Variants in NTNG1 observed in about 807,000 individuals in gnomAD.
NTNG1 encodes netrin G1, also known as netrin-G1.
Under a neutral mutation model 54.0 loss-of-function variants are expected in NTNG1, and 16 were observed. The observed-to-expected ratio is 0.30, with a 90% confidence interval of 0.20 to 0.45. The LOEUF (loss-of-function observed/expected upper bound fraction) is 0.45, where lower values mean the gene tolerates loss of function less well. Among genes scored for constraint, NTNG1 ranks in the 20% least tolerant of loss-of-function variants. The pLI is 1.00. For synonymous variants in NTNG1, 255 were observed against 263.1 expected (o/e 0.97, Z 0.30); for missense variants, 530 against 678.7 (o/e 0.78, Z 2.43).
At chr1:107,242,120 A>G (rs930341596) in intron 2 of NTNG1, among the ~76,000 whole-genome samples, 2 of 152,046 alleles carry the variant, frequency 1.3e-5, no homozygotes, top group African/African-American at 2.4e-5. Flanking sequence ...ACAAAAATAC[A>G]AGCATTATCT....
At chr1:107,354,795 T>A (rs1669842774) in intron 3 of NTNG1, among the ~76,000 whole-genome samples, 2 of 152,126 alleles carry the variant, frequency 1.3e-5, no homozygotes, top group South Asian at 4.1e-4. Flanking sequence ...CACTGGACAC[T>A]CTCAGAGAGC....
At chr1:107,308,206 A>G (rs185921753) in intron 2 of NTNG1, among the ~76,000 whole-genome samples, 4 of 152,196 alleles carry the variant, frequency 2.6e-5, no homozygotes, top group Admixed American at 2.6e-4. Flanking sequence ...TTTTTGGCAT[A>G]TTCATCATGA....
At chr1:107,256,911 T>A (rs1369579399) in intron 2 of NTNG1, among the ~76,000 whole-genome samples, 3 of 152,192 alleles carry the variant, frequency 2.0e-5, no homozygotes, top group African/African-American at 7.2e-5. Flanking sequence ...ATGTCCAAAT[T>A]GTTATTTTTT....
intron 5 of NTNG1, among the ~76,000 whole-genome samples, chr1:107,430,256 C>T (rs1230981777): frequency 2.6e-5 from 4 of 151,994 alleles, no homozygotes; most frequent in Non-Finnish European, 5.9e-5. Flanking sequence ...TATGAAACCC[C>T]GACTGAGTTG....
At chr1:107,416,071 T>A (rs1478283361) in intron 5 of NTNG1, among the ~76,000 whole-genome samples, 4 of 152,178 alleles carry the variant, frequency 2.6e-5, no homozygotes, top group Admixed American at 1.3e-4. Context: ...AGTCTCGTGA[T>A]GGCCAAATGT....
At chr1:107,167,379 TTTATTA>T (rs1458864665) in intron 2 of NTNG1, among the ~76,000 whole-genome samples, 2 of 152,078 alleles carry the variant, frequency 1.3e-5, no homozygotes, top group East Asian at 3.9e-4. Flanking sequence ...TTCTATATGA[TTTATTA>T]TTATCAGTGT....
At chr1:107,217,282 G>C (rs1660033054) in intron 2 of NTNG1, among the ~76,000 whole-genome samples, 1 of 152,022 alleles carries the variant, frequency 6.6e-6, no homozygotes, top group African/African-American at 2.4e-5. Flanking sequence ...TGTGGTATTG[G>C]TTGTAATATC....
At chr1:107,203,599 T>C (rs369173020) in intron 2 of NTNG1, among the ~76,000 whole-genome samples, 1 of 151,200 alleles carries the variant, frequency 6.6e-6, no homozygotes, top group African/African-American at 2.4e-5. Context: ...TGTATATATA[T>C]ACACATATAT....
chr1:107,179,276 A>G (rs1290143230), intron 2 of NTNG1, among the ~76,000 whole-genome samples: 1 of 152,198 alleles, frequency 6.6e-6, no homozygotes, highest in African/African-American at 2.4e-5. Context: ...ACCCAATCCA[A>G]AAGACTTAAA....
intron 2 of NTNG1, among the ~76,000 whole-genome samples, chr1:107,196,142 T>C (rs1658303514): frequency 6.6e-6 from 1 of 151,806 alleles, no homozygotes; most frequent in Non-Finnish European, 1.5e-5. Flanking sequence ...AAAGATTAAG[T>C]AAAATAATCC....
At chr1:107,330,426 A>G (rs1056711004) in intron 3 of NTNG1, among the ~76,000 whole-genome samples, 2 of 152,152 alleles carry the variant, frequency 1.3e-5, no homozygotes, top group Admixed American at 6.6e-5. Flanking sequence ...CCAAGCCCTG[A>G]TGCTCAAGTG....
At chr1:107,404,081 T>TTATATA (rs5776886) in intron 4 of NTNG1, among the ~76,000 whole-genome samples, 3 of 145,390 alleles carry the variant, frequency 2.1e-5, no homozygotes, top group Admixed American at 6.9e-5. Context: ...CCTTCTTAAT[T>TTATATA]TATATATATA....
In NTNG1 at chr1:107,436,728, G is replaced by A. The variant is rs1193732491; in HGVS notation, c.1319G>A (p.Cys440Tyr). 1 of 1,613,324 alleles carries A rather than the reference G, an allele frequency of 6.2e-7. No homozygotes were observed. Among genetic ancestry groups the A allele is most frequent in the Admixed American group, 1.7e-5 (1 of 59,960 alleles). The change falls in exon 7 of 8, where the codon TGT (cysteine) becomes TAT (tyrosine). Residue 440 changes from cysteine to tyrosine, a missense_variant. Physicochemically the swap from Cys to Tyr is radical, Grantham distance 194 (BLOSUM62 -2). Around this residue, in one of 2 missense-constraint regions of NTNG1, gnomAD observed 212 missense variants for 213.6 expected, o/e 0.99. Coordinates refer to ENST00000370068, the MANE Select transcript of NTNG1 (RefSeq NM_001113226.3). ...DRCNGSGFCE[C>Y]KTGTTGPKCD... ...TGTAATGGCTCAGGATTTTGTGAGT[G>A]TAAGACTGGAACAACAGGGCCTAAG...
At chr1:107,227,157 G>A (rs1209496181) in intron 2 of NTNG1, among the ~76,000 whole-genome samples, 2 of 152,148 alleles carry the variant, frequency 1.3e-5, no homozygotes, top group African/African-American at 2.4e-5. Context: ...TTTAATCTCT[G>A]TTTGCCTACG....
At chr1:107,464,616 C>T (rs1292465573) in intron 7 of NTNG1, among the ~76,000 whole-genome samples, 1 of 152,078 alleles carries the variant, frequency 6.6e-6, no homozygotes, top group African/African-American at 2.4e-5. Flanking sequence ...ATGAAGTGAT[C>T]CAAGTGAGGT....
chr1:107,172,891 C>G (rs1000628139), intron 2 of NTNG1, among the ~76,000 whole-genome samples: 6 of 152,118 alleles, frequency 3.9e-5, no homozygotes, highest in Non-Finnish European at 8.8e-5. Flanking sequence ...TTGGCAGACT[C>G]TAAAGTAGAT....
intron 3 of NTNG1, among the ~76,000 whole-genome samples, chr1:107,389,048 G>A (rs1346216432): frequency 6.6e-6 from 1 of 152,194 alleles, no homozygotes; most frequent in Non-Finnish European, 1.5e-5. Flanking sequence ...GGGATGCAGG[G>A]ACCCAAGGGG....
intron 2 of NTNG1, among the ~76,000 whole-genome samples, chr1:107,304,517 C>A (rs1219759206): frequency 6.6e-6 from 1 of 152,054 alleles, no homozygotes; most frequent in Non-Finnish European, 1.5e-5. Context: ...CATTTTCTAC[C>A]CCTTCTAAAT....
intron 3 of NTNG1, among the ~76,000 whole-genome samples, chr1:107,365,071 C>T (rs1557935949): frequency 6.6e-6 from 1 of 152,062 alleles, no homozygotes; most frequent in East Asian, 1.9e-4. Context: ...TCACCTGTTA[C>T]TTTTTTTGAT....
Sources: gnomAD v4.1 joint callset for allele counts (sites outside exome capture counted in the v4.1 genomes callset) on GRCh38, gnomAD v4.1.1 for gene constraint, gnomAD v4.1.1 regional missense constraint, MANE v1.5 for transcripts, NCBI Gene and HGNC (gene_info 2026-07-23, HGNC 2026-07-21) for gene names.